The following CEMIP variants were observed in gnomAD, a reference collection of about 807,000 sequenced individuals.
CEMIP encodes the protein cell migration inducing hyaluronidase 1, also known as cell migration-inducing and hyaluronan-binding protein.
In CEMIP, 105 loss-of-function variants were observed where a neutral mutation model predicts 156.9. The observed-to-expected ratio is 0.67, with a 90% confidence interval of 0.57 to 0.79. CEMIP has a LOEUF of 0.79. CEMIP is among the 30% of genes least tolerant of loss of function. The probability of loss-of-function intolerance (pLI) is 0.00; values close to 1 mark genes in which losing one functional copy is unlikely to be tolerated. For missense variants in CEMIP, 1,457 were observed against 1,769.4 expected (o/e 0.82, Z 3.17); for synonymous variants, 676 against 668.4 (o/e 1.01, Z -0.17).
chr15:80,781,021 T>G (rs1278603734), intron 1 of CEMIP, among the ~76,000 whole-genome samples: 3 of 152,204 alleles, frequency 2.0e-5, no homozygotes, highest in Non-Finnish European at 4.4e-5. Flanking sequence ...GGGGGCACTC[T>G]GTGGTTCTCT....
intron 25 of CEMIP, among the ~76,000 whole-genome samples, chr15:80,939,281 C>T (rs1169998325): frequency 1.3e-5 from 2 of 152,182 alleles, no homozygotes; most frequent in Non-Finnish European, 1.5e-5. Flanking sequence ...CCCTGCTCTA[C>T]GGGCTGAGCC....
rs570372664 is a variant in CEMIP, at chr15:80,926,978, G to C, written c.2420+1223G>C. On this transcript the variant is annotated intron_variant, in intron 19 of 29. Coordinates refer to ENST00000394685, the MANE Select transcript of CEMIP (RefSeq NM_001293298.2). The stretch of plus-strand genomic sequence containing the variant: ...CCCGAGTAGCTGGGATTACAAGCGT[G>C]CACCACCACGCCAGGCTAATTTTTG... Among the ~76,000 whole-genome samples, 533 of 152,092 alleles carry C rather than the reference G, an allele frequency of 3.5e-3. 2 individuals are homozygous for C. The highest frequency in any genetic ancestry group is 6.2e-3 in the Non-Finnish European group (420 of 67,998).
At chr15:80,806,739 G>A (rs1221869563) in intron 1 of CEMIP, among the ~76,000 whole-genome samples, 1 of 152,180 alleles carries the variant, frequency 6.6e-6, no homozygotes, top group Non-Finnish European at 1.5e-5. Context: ...TTGGAGTTAT[G>A]CCACACTTTA....
At chr15:80,780,271 GGAA>G (rs1248503453) in intron 1 of CEMIP, among the ~76,000 whole-genome samples, 5 of 152,244 alleles carry the variant, frequency 3.3e-5, no homozygotes, top group Non-Finnish European at 7.3e-5. Context: ...TGGCATCGCT[GGAA>G]GAAGGTCTGG....
chr15:80,948,404 C>T (rs766643742), intron 29 of CEMIP: 1 of 329,062 alleles, frequency 3.0e-6, no homozygotes, highest in South Asian at 2.7e-5. Context: ...AGATCAATGC[C>T]ATCATTTGAT....
chr15:80,809,261 C>T (rs1896596672), intron 1 of CEMIP, among the ~76,000 whole-genome samples: 1 of 152,096 alleles, frequency 6.6e-6, no homozygotes, highest in Non-Finnish European at 1.5e-5. Flanking sequence ...AAATGCCCAG[C>T]TGTAGGGGAA....
chr15:80,807,514 C>G (rs1896543715), intron 1 of CEMIP, among the ~76,000 whole-genome samples: 1 of 152,144 alleles, frequency 6.6e-6, no homozygotes. Context: ...CATGAGCCAC[C>G]ACACCTGGCC....
intron 10 of CEMIP, among the ~76,000 whole-genome samples, chr15:80,892,787 A>G (rs1446315402): frequency 6.6e-6 from 1 of 152,216 alleles, no homozygotes; most frequent in Non-Finnish European, 1.5e-5. Context: ...TCGTTTCCTC[A>G]CAGCAAAAAT....
chr15:80,797,212 G>A (rs1208347504), intron 1 of CEMIP, among the ~76,000 whole-genome samples: 1 of 152,202 alleles, frequency 6.6e-6, no homozygotes, highest in Non-Finnish European at 1.5e-5. Flanking sequence ...GGAGGTGATT[G>A]CAGATCATTA....
chr15:80,874,646 A>G (rs1457579948), intron 3 of CEMIP, among the ~76,000 whole-genome samples: 2 of 152,178 alleles, frequency 1.3e-5, no homozygotes, highest in African/African-American at 4.8e-5. Context: ...CTATCTCAGC[A>G]TTGTCAGCTT....
chr15:80,797,854 G>T (rs1896272359), intron 1 of CEMIP, among the ~76,000 whole-genome samples: 1 of 152,218 alleles, frequency 6.6e-6, no homozygotes, highest in African/African-American at 2.4e-5. Flanking sequence ...AGGAAGCAAT[G>T]CCAGGCCGCC....
intron 1 of CEMIP, among the ~76,000 whole-genome samples, chr15:80,835,598 G>A (rs1897255016): frequency 6.6e-6 from 1 of 152,218 alleles, no homozygotes; most frequent in Non-Finnish European, 1.5e-5. Context: ...TCTTTCCGTA[G>A]TCTGCATCCA....
chr15:80,902,299 C>T (rs1374062461), intron 12 of CEMIP, among the ~76,000 whole-genome samples: 2 of 152,208 alleles, frequency 1.3e-5, no homozygotes, highest in East Asian at 1.9e-4. Context: ...GCCTCCTCCC[C>T]GCTCACCCAG....
At chr15:80,882,228 C>G (rs890809843) in intron 6 of CEMIP, among the ~76,000 whole-genome samples, 11 of 152,188 alleles carry the variant, frequency 7.2e-5, no homozygotes, top group Admixed American at 5.2e-4. Context: ...CTATAACAGT[C>G]ACTGGACTTT....
In CEMIP at chr15:80,921,091, C is replaced by T. The variant is rs779453042; in HGVS notation, c.2063C>T (p.Ala688Val). ...PNNNLINCAA[A>V]GSEETGFWFI... Reference sequence around the variant, plus strand: ...AACAACCTCATCAACTGTGCCGCTGCAGGATCTGAGGTGAGCAGAAATATT... The same window carrying T: ...AACAACCTCATCAACTGTGCCGCTGTAGGATCTGAGGTGAGCAGAAATATT... The change falls in exon 16 of 30, where the codon GCA becomes GTA. Residue 688 changes from alanine (A) to valine (V), a missense_variant. Ala to Val is a moderately conservative substitution (Grantham distance 64). Coordinates refer to ENST00000394685, the MANE Select transcript of CEMIP (RefSeq NM_001293298.2). The T allele has an allele frequency of 6.2e-7, 1 of 1,614,042 alleles. No homozygotes were observed. The highest frequency in any genetic ancestry group is 1.3e-5 in the African/African-American group (1 of 75,038).
Position 80,933,249 on chromosome 15 carries a change from C to T in CEMIP, c.2798C>T (p.Thr933Ile). ...ACTTTCCTGGGCTCTGTTTAGATTA[C>T]TTCCAGAGTGTTCTTCGGAGAGCCT... The part of the protein sequence containing the change: ...TGIAFEDVPI[T>I]SRVFFGEPGP... Residue 933 changes from threonine to isoleucine, a missense_variant, in exon 23 of 30, where the codon ACT becomes ATT. Thr to Ile is a moderately conservative substitution (Grantham distance 89). Transcript: ENST00000394685. 6.2e-7 allele frequency: 1 copy of T among 1,613,778 alleles called. No homozygotes were observed. Among genetic ancestry groups the T allele is most frequent in the South Asian group, 1.1e-5 (1 of 91,084 alleles).
intron 1 of CEMIP, among the ~76,000 whole-genome samples, chr15:80,830,713 T>A (rs1477602741): frequency 6.6e-6 from 1 of 152,184 alleles, no homozygotes; most frequent in Admixed American, 6.5e-5. Context: ...ATTATCTTTA[T>A]TTTTAAGCTA....
chr15:80,807,455 C>T (rs915845564), intron 1 of CEMIP, among the ~76,000 whole-genome samples: 3 of 152,152 alleles, frequency 2.0e-5, no homozygotes, highest in Non-Finnish European at 4.4e-5. Context: ...AAACCACTGG[C>T]CTCAAATGAT....
chr15:80,893,402 A>G (rs753234640), intron 10 of CEMIP, among the ~76,000 whole-genome samples: 2 of 152,156 alleles, frequency 1.3e-5, no homozygotes, highest in African/African-American at 4.8e-5. Flanking sequence ...AAGGAAAAAA[A>G]GAAAAAACAG....
Sources: allele counts gnomAD v4.1 joint callset (sites outside exome capture counted in the v4.1 genomes callset), GRCh38; gene constraint gnomAD v4.1.1; transcripts MANE v1.5; gene names NCBI Gene and HGNC (gene_info 2026-07-23, HGNC 2026-07-21).